Variants in MAP3K20 observed in about 807,000 individuals in gnomAD.
MAP3K20 encodes the protein mitogen-activated protein kinase kinase kinase 20.
In MAP3K20, 40 loss-of-function variants were observed where a neutral mutation model predicts 85.7. That is an observed-to-expected ratio of 0.47 (90% CI 0.36 to 0.61). MAP3K20 has a LOEUF of 0.61. Among genes scored for constraint, MAP3K20 ranks in the 20% least tolerant of loss-of-function variants. The probability of loss-of-function intolerance (pLI) is 0.00; values close to 1 mark genes in which losing one functional copy is unlikely to be tolerated. For missense variants in MAP3K20, 817 were observed against 961.7 expected (o/e 0.85, Z 1.99); for synonymous variants, 325 against 327.7 (o/e 0.99, Z 0.09).
chr2:173,139,466 C>T (rs1022534582), intron 2 of MAP3K20, among the ~76,000 whole-genome samples: 1 of 152,124 alleles, frequency 6.6e-6, no homozygotes, highest in African/African-American at 2.4e-5. Context: ...TCTAACAGTG[C>T]TTGTTTGGAC....
intron 2 of MAP3K20, among the ~76,000 whole-genome samples, chr2:173,149,219 G>T (rs1689225547): frequency 6.6e-6 from 1 of 152,142 alleles, no homozygotes. Flanking sequence ...ACTTTTCACT[G>T]TACAAAGTGT....
intron 12 of MAP3K20, among the ~76,000 whole-genome samples, chr2:173,230,072 C>T (rs762120690): frequency 2.0e-5 from 3 of 152,036 alleles, no homozygotes; most frequent in Non-Finnish European, 4.4e-5. Flanking sequence ...CCTCAAGTGA[C>T]GTGCCCGCCT....
At position 173,229,852 on chromosome 2, in the gene MAP3K20, T is replaced by C. The variant is rs182419046; in HGVS notation, c.1032+119T>C. 5.1e-5 allele frequency: 57 copies of C among 1,127,232 alleles called. No individual in the cohort carries two copies. The Admixed American group carries it at 1.0e-3, about 20-fold the overall frequency. 69.8% of individuals were successfully genotyped at this position (1,127,232 alleles called of 1,614,324 possible). A position where few individuals can be genotyped will look rare whatever the true frequency, so the allele number is the denominator to read the frequency against. Reference sequence around the variant, plus strand: ...AGTCTAACTAGGAGAGGTTGACAAATTCTTTTCTCACTCTGTCTCCCAGGC... The same window carrying C: ...AGTCTAACTAGGAGAGGTTGACAAACTCTTTTCTCACTCTGTCTCCCAGGC... On this transcript the variant is annotated intron_variant, in intron 12 of 19. Coordinates refer to ENST00000375213, the MANE Select transcript of MAP3K20 (RefSeq NM_016653.3).
intron 2 of MAP3K20, among the ~76,000 whole-genome samples, chr2:173,095,019 T>C: frequency 6.6e-6 from 1 of 152,200 alleles, no homozygotes; most frequent in Non-Finnish European, 1.5e-5. Flanking sequence ...AGTAAAAAGT[T>C]CTAGCATAAG....
At chr2:173,120,596 T>C (rs1688254392) in intron 2 of MAP3K20, among the ~76,000 whole-genome samples, 1 of 151,832 alleles carries the variant, frequency 6.6e-6, no homozygotes, top group African/African-American at 2.4e-5. Flanking sequence ...CATTCCATCC[T>C]TGGGGACTAA....
chr2:173,144,234 T>G (rs1012448033), intron 2 of MAP3K20, among the ~76,000 whole-genome samples: 1 of 151,388 alleles, frequency 6.6e-6, no homozygotes, highest in African/African-American at 2.4e-5. Flanking sequence ...GAGGCCAAGG[T>G]GGGCAGATCA....
intron 2 of MAP3K20, among the ~76,000 whole-genome samples, chr2:173,110,122 T>A (rs1233159542): frequency 2.1e-5 from 3 of 146,256 alleles, no homozygotes; most frequent in African/African-American, 7.5e-5. Context: ...AAATTATCTT[T>A]TTAACTTTAA....
intron 11 of MAP3K20, chr2:173,222,943 A>G: frequency 7.1e-6 from 7 of 985,378 alleles, no homozygotes; most frequent in Non-Finnish European, 8.4e-6. Flanking sequence ...TAAATTAGAA[A>G]GGAGTGTCAT....
At chr2:173,093,170 T>C (rs3769199) in intron 2 of MAP3K20, among the ~76,000 whole-genome samples, 42,729 of 152,076 alleles carry the variant, frequency 0.28, 7,405 homozygotes, top group Non-Finnish European at 0.39. Flanking sequence ...ACATTTCTTA[T>C]GTAAATAATT....
chr2:173,214,256 T>G (rs1684002983), intron 10 of MAP3K20: 3 of 152,242 alleles, frequency 2.0e-5, no homozygotes, highest in Non-Finnish European at 4.4e-5. Context: ...GATCTTCAGC[T>G]TATTTCTCCT....
At chr2:173,250,050 C>T (rs1368224129) in intron 16 of MAP3K20, among the ~76,000 whole-genome samples, 2 of 152,154 alleles carry the variant, frequency 1.3e-5, no homozygotes, top group African/African-American at 4.8e-5. Flanking sequence ...AAGGGTATAA[C>T]GCATTTACAT....
At chr2:173,243,880 CCTCCCAAA>C (rs1486109690) in intron 16 of MAP3K20, among the ~76,000 whole-genome samples, 3 of 152,182 alleles carry the variant, frequency 2.0e-5, no homozygotes, top group Non-Finnish European at 4.4e-5. Context: ...CCCGCCTCGG[CCTCCCAAA>C]GTGCTGGGAT....
Position 173,227,183 on chromosome 2 carries a change from T to A in MAP3K20, c.988-2506T>A, listed in dbSNP as rs181160300. 7 of 965,926 alleles carry A rather than the reference T, an allele frequency of 7.2e-6. No homozygotes were observed. In the Admixed American group the frequency reaches 1.8e-4, roughly 25 times the overall value. The allele number at this position is 965,926 out of a possible 1,614,324, so 59.8% of individuals were successfully genotyped here. A position where few individuals can be genotyped will look rare whatever the true frequency, so the allele number is the denominator to read the frequency against. On this transcript the variant is annotated intron_variant, in intron 11 of 19. Coordinates refer to ENST00000375213, the MANE Select transcript of MAP3K20 (RefSeq NM_016653.3). ...CGTGTTGCTGTGTATATAAGATCCCTGTTAGATTGGATTCCCAACATCCTT... is the reference window on the plus strand; with the variant it reads ...CGTGTTGCTGTGTATATAAGATCCCAGTTAGATTGGATTCCCAACATCCTT...
chr2:173,139,664 C>A (rs1241696541), intron 2 of MAP3K20, among the ~76,000 whole-genome samples: 1 of 151,964 alleles, frequency 6.6e-6, no homozygotes, highest in Non-Finnish European at 1.5e-5. Context: ...TTTTTAAGTT[C>A]TTTTTCTTGC....
At chr2:173,150,861 CA>C (rs891564636) in intron 2 of MAP3K20, among the ~76,000 whole-genome samples, 1 of 151,552 alleles carries the variant, frequency 6.6e-6, no homozygotes, top group African/African-American at 2.4e-5. Context: ...CACACCCGGC[CA>C]AAAAAAATTG....
intron 2 of MAP3K20, among the ~76,000 whole-genome samples, chr2:173,155,460 C>T (rs1386189306): frequency 1.3e-5 from 2 of 152,116 alleles, no homozygotes; most frequent in Admixed American, 6.5e-5. Context: ...AAAAATAGTG[C>T]CTGGCACATC....
At chr2:173,149,490 CAAAATAAAAAAGTTTATTTTTTTTTA>C (rs1689235680) in intron 2 of MAP3K20, among the ~76,000 whole-genome samples, 1 of 128,856 alleles carries the variant, frequency 7.8e-6, no homozygotes, top group Non-Finnish European at 1.6e-5. Flanking sequence ...AAAATTACTC[CAAAATAAAAAAGTTTATTTTTTTTTA>C]AAAAAAACCC....
At chr2:173,100,477 T>C (rs1687607008) in intron 2 of MAP3K20, among the ~76,000 whole-genome samples, 1 of 152,236 alleles carries the variant, frequency 6.6e-6, no homozygotes. Context: ...TACCTGGTAT[T>C]GTGTCGCAGT....
intron 11 of MAP3K20, chr2:173,225,005 A>G: frequency 1.0e-6 from 1 of 983,660 alleles, no homozygotes; most frequent in Non-Finnish European, 1.2e-6. Context: ...GAGAAATGTA[A>G]ACATTCAAAA....
Sources: gnomAD v4.1 joint callset for allele counts (sites outside exome capture counted in the v4.1 genomes callset) on GRCh38, gnomAD v4.1.1 for gene constraint, MANE v1.5 for transcripts, NCBI Gene and HGNC (gene_info 2026-07-23, HGNC 2026-07-21) for gene names.